FAT3: variants seen among roughly 807,000 people sequenced by gnomAD.
FAT3 encodes the protein protocadherin Fat 3.
FAT3 carries 95 observed loss-of-function variants against 310.2 expected under a neutral mutation model. The observed-to-expected ratio is 0.31, with a 90% CI of 0.26 to 0.36. The LOEUF (loss-of-function observed/expected upper bound fraction) is 0.36, where lower values mean the gene tolerates loss of function less well. Ranked by LOEUF, FAT3 falls within the 10% of genes least tolerant of loss-of-function variation. The probability of loss-of-function intolerance (pLI) is 1.00; values close to 1 mark genes in which losing one functional copy is unlikely to be tolerated. For synonymous variants in FAT3, 2,314 were observed against 2,192.9 expected (o/e 1.06, Z -1.54); for missense variants, 5,408 against 5,715.6 (o/e 0.95, Z 1.74).
At chr11:92,881,014 G>A (rs532491737) in intron 23 of FAT3, 130 bp downstream of exon 23, 40 of 965,100 alleles carry the variant, frequency 4.1e-5, no homozygotes, top group East Asian at 1.2e-4. Flanking sequence ...TGCACGATAC[G>A]TATAAGGAGT....
At chr11:92,667,366 A>G (rs531540983) in intron 3 of FAT3, among the ~76,000 whole-genome samples, 1 of 152,134 alleles carries the variant, frequency 6.6e-6, no homozygotes, top group East Asian at 1.9e-4. Flanking sequence ...ACCTTCTTGT[A>G]CCCTTTCCCC....
In FAT3 at chr11:92,883,515, CTGATGT is replaced by C; in HGVS notation, c.12937+123_12937+128del. ...TGCAGAGCATTCGCTATGACATGTGCTGATGTCGAATGTGCACACCAGCTCTGGAAA... is the reference window on the plus strand; with the variant it reads ...TGCAGAGCATTCGCTATGACATGTGCCGAATGTGCACACCAGCTCTGGAAA... On this transcript the variant is annotated intron_variant, in intron 24 of 27. Transcript: ENST00000525166. This position sits in a 1 kb window ranked among gnomAD's most constrained non-coding sequence, Gnocchi z 4.2. The C allele has an allele frequency of 7.7e-7, 1 of 1,295,412 alleles. No individual in the cohort carries two copies. Among genetic ancestry groups the C allele is most frequent in the South Asian group, 1.5e-5 (1 of 65,470 alleles). The allele number at this position is 1,295,412 out of a possible 1,614,324, so 80.2% of individuals were successfully genotyped here.
chr11:92,322,809 C>T (rs927294465), intron 1 of FAT3, among the ~76,000 whole-genome samples: 5 of 152,160 alleles, frequency 3.3e-5, no homozygotes, highest in African/African-American at 9.7e-5. Flanking sequence ...CTAGTTCTCT[C>T]GCTGTTCCCA....
At chr11:92,507,663 T>C (rs924121013) in intron 2 of FAT3, among the ~76,000 whole-genome samples, 8 of 149,922 alleles carry the variant, frequency 5.3e-5, no homozygotes, top group African/African-American at 2.0e-4. Flanking sequence ...TATATACACA[T>C]ATATGTACAC....
At chr11:92,885,587 A>G (rs767198633) in intron 24 of FAT3, among the ~76,000 whole-genome samples, 14 of 152,200 alleles carry the variant, frequency 9.2e-5, no homozygotes, top group Admixed American at 3.3e-4. Context: ...AATTTCAGCC[A>G]TAAATATACT....
chr11:92,567,982 G>A (rs1955527437), intron 3 of FAT3, among the ~76,000 whole-genome samples: 1 of 152,008 alleles, frequency 6.6e-6, no homozygotes, highest in Admixed American at 6.6e-5. Flanking sequence ...CATGGCACAT[G>A]TGTACATATG....
At chr11:92,835,143 GT>G in intron 15 of FAT3, 59 bp downstream of exon 15, 1 of 1,452,594 alleles carries the variant, frequency 6.9e-7, no homozygotes, top group Non-Finnish European at 9.4e-7. Context: ...CCACAATAAA[GT>G]GAAGAAGAAA....
intron 21 of FAT3, among the ~76,000 whole-genome samples, chr11:92,862,220 C>T (rs1216559300): frequency 6.6e-6 from 1 of 152,172 alleles, no homozygotes; most frequent in Non-Finnish European, 1.5e-5. Context: ...AGAGCCCAAA[C>T]CATAACTGAG....
At chr11:92,459,747 A>G (rs1951588382) in intron 2 of FAT3, among the ~76,000 whole-genome samples, 1 of 152,150 alleles carries the variant, frequency 6.6e-6, no homozygotes, top group South Asian at 2.1e-4. Context: ...GGAACAGCCA[A>G]CTGTGGTTTG....
intron 22 of FAT3, among the ~76,000 whole-genome samples, chr11:92,876,255 T>C (rs1454302393): frequency 6.6e-6 from 1 of 152,128 alleles, no homozygotes; most frequent in Non-Finnish European, 1.5e-5. Flanking sequence ...AGAATCTAAT[T>C]CCTCCTCCCA....
At chr11:92,465,821 C>A (rs1951745126) in intron 2 of FAT3, among the ~76,000 whole-genome samples, 1 of 151,812 alleles carries the variant, frequency 6.6e-6, no homozygotes, top group Non-Finnish European at 1.5e-5. Flanking sequence ...ATGTAACAAA[C>A]CTGCACGTTG....
intron 3 of FAT3, among the ~76,000 whole-genome samples, chr11:92,681,554 G>A (rs1943480756): frequency 6.6e-6 from 1 of 152,166 alleles, no homozygotes; most frequent in Non-Finnish European, 1.5e-5. Context: ...TGTATTTGAG[G>A]TGTAAAGACT....
intron 3 of FAT3, among the ~76,000 whole-genome samples, chr11:92,660,069 G>A (rs1015728297): frequency 6.6e-6 from 1 of 152,110 alleles, no homozygotes; most frequent in African/African-American, 2.4e-5. Context: ...ACTTAGTGCA[G>A]CAATGATACA....
chr11:92,596,494 C>A (rs1050612581), intron 3 of FAT3, among the ~76,000 whole-genome samples: 12 of 152,184 alleles, frequency 7.9e-5, no homozygotes, highest in African/African-American at 2.2e-4. Context: ...TCCAGGCCAC[C>A]ACCATTCTCC....
At position 92,798,327 on chromosome 11, in the gene FAT3, T is replaced by C; in HGVS notation, c.5314T>C (p.Ser1772Pro). The C allele has an allele frequency of 6.2e-7, 1 of 1,613,790 alleles. No individual in the cohort carries two copies. Among genetic ancestry groups the C allele is most frequent in the South Asian group, 1.1e-5 (1 of 91,056 alleles). Residue 1772 changes from serine to proline, a missense_variant, in exon 10 of 28, where the codon TCT becomes CCT. By Grantham distance (74) the Ser-to-Pro change is moderately conservative. This residue lies in a region of FAT3 where 4,588 missense variants were observed against 4,809.8 expected (regional missense o/e 0.95). Coordinates refer to ENST00000525166, the MANE Select transcript of FAT3 (RefSeq NM_001367949.2). ...TGATAATGCCCCAGTTTTTCTCTTTTCTCAATACTCAGGCAGCCTAAGTGA... is the reference window on the plus strand; with the variant it reads ...TGATAATGCCCCAGTTTTTCTCTTTCCTCAATACTCAGGCAGCCTAAGTGA... The part of the protein sequence containing the change: ...ENDNAPVFLF[S>P]QYSGSLSEAA...
intron 3 of FAT3, among the ~76,000 whole-genome samples, chr11:92,616,469 C>G (rs1565459779): frequency 6.6e-6 from 1 of 152,032 alleles, no homozygotes; most frequent in East Asian, 1.9e-4. Context: ...AGCATTTAGC[C>G]CATTTACATT....
chr11:92,805,984 G>C (rs1202364569), intron 11 of FAT3, among the ~76,000 whole-genome samples: 1 of 152,172 alleles, frequency 6.6e-6, no homozygotes, highest in Non-Finnish European at 1.5e-5. Flanking sequence ...GCTCTTTAAA[G>C]AGTTGAAGAG....
chr11:92,553,347 A>G lies in FAT3; in HGVS notation c.3607+28399A>G, dbSNP rs1427041114. ...TTTGCAGAGTTCCTGCTTAGTGCCA[A>G]AAGATGTATCTCACATCTCTACTTC... On this transcript the variant is annotated intron_variant, in intron 3 of 27. Coordinates refer to ENST00000525166, the MANE Select transcript of FAT3 (RefSeq NM_001367949.2). 3.3e-5 allele frequency among the ~76,000 whole-genome samples: 5 copies of G among 152,212 alleles called. No homozygotes were observed. The East Asian group carries it at 7.7e-4, about 23-fold the overall frequency.
At chr11:92,317,771 C>A (rs1947501877) in intron 1 of FAT3, among the ~76,000 whole-genome samples, 1 of 152,166 alleles carries the variant, frequency 6.6e-6, no homozygotes, top group Non-Finnish European at 1.5e-5. Flanking sequence ...AAAGTGGGGG[C>A]ACTGGTGTAA....
Sources: allele counts gnomAD v4.1 joint callset (sites outside exome capture counted in the v4.1 genomes callset), GRCh38; gene constraint gnomAD v4.1.1; regional missense constraint gnomAD v4.1.1; non-coding constraint Gnocchi (gnomAD v3.1); transcripts MANE v1.5; gene names NCBI Gene and HGNC (gene_info 2026-07-23, HGNC 2026-07-21).